Variants in KNDC1 observed in about 807,000 individuals in gnomAD.
KNDC1 encodes the protein kinase non-catalytic C-lobe domain containing 1, also known as kinase non-catalytic C-lobe domain-containing protein 1.
A neutral mutation model predicts 172.8 loss-of-function variants in KNDC1; 106 were observed. That is an observed-to-expected ratio of 0.61 (90% CI 0.52 to 0.72). The LOEUF is 0.72. Ranked by LOEUF, KNDC1 falls within the 30% of genes least tolerant of loss-of-function variation. The pLI, the probability that KNDC1 is intolerant of heterozygous loss-of-function variation, is 0.00. For synonymous variants in KNDC1, 1,083 were observed against 1,062.2 expected (o/e 1.02, Z -0.38); for missense variants, 2,325 against 2,394.5 (o/e 0.97, Z 0.61).
Position 133,163,694 on chromosome 10 carries a change from G to C in KNDC1, c.102+3125G>C, listed in dbSNP as rs117205246. Among the ~76,000 whole-genome samples, 612 of 152,268 alleles carry C rather than the reference G, an allele frequency of 4.0e-3. 14 individuals carry two copies. The South Asian group carries it at 0.068, about 17-fold the overall frequency. On this transcript the variant is annotated intron_variant, in intron 1 of 29. Transcript: ENST00000304613. The surrounding 1 kb of genome is among the most constrained non-coding windows in gnomAD (Gnocchi z 4.4). ...AGGCGTCCCTGTGTAACCCTGGCTC[G>C]AAGTCTGCCTGGCAGTGTGGCGGGG... is the stretch of plus-strand genomic sequence containing the variant.
At position 133,160,295 on chromosome 10, in the gene KNDC1, C is replaced by T. The variant is rs1212715491; in HGVS notation, c.-173C>T. Among the ~76,000 whole-genome samples the T allele has an allele frequency of 6.7e-6, 1 of 148,814 alleles. No homozygotes were observed. The highest frequency in any genetic ancestry group is 2.5e-5 in the African/African-American group (1 of 40,690). On this transcript the variant is annotated 5_prime_UTR_variant, in exon 1 of 30. Transcript: ENST00000304613. Reference sequence around the variant, plus strand: ...CCCGCGCACCCCGCGCCCCCCGCGCCCCCCGGGCCCGCCCCGTATCCCTGA... The same window carrying T: ...CCCGCGCACCCCGCGCCCCCCGCGCTCCCCGGGCCCGCCCCGTATCCCTGA...
At chr10:133,176,067 T>TGGGTGGGTG (rs1853529790) in intron 3 of KNDC1, among the ~76,000 whole-genome samples, 1 of 150,330 alleles carries the variant, frequency 6.7e-6, no homozygotes, top group Non-Finnish European at 1.5e-5. Context: ...GGTGAGTGGA[T>TGGGTGGGTG]AGGTGGATGG....
At chr10:133,183,758 G>C in intron 4 of KNDC1, 114 bp from the exon 5 acceptor site, 1 of 899,400 alleles carries the variant, frequency 1.1e-6, no homozygotes, top group Non-Finnish European at 1.7e-6. Flanking sequence ...GGCGCAGGCA[G>C]GCTCTGGGGA....
chr10:133,188,674 T>TTCCCC, intron 7 of KNDC1, 21 bp downstream of exon 7: 1 of 1,215,936 alleles, frequency 8.2e-7, no homozygotes, highest in Non-Finnish European at 1.1e-6. Flanking sequence ...CACCATCCCA[T>TTCCCC]CCCCCCCGCC....
intron 15 of KNDC1, among the ~76,000 whole-genome samples, chr10:133,200,055 C>T (rs986503466): frequency 7.2e-5 from 11 of 152,160 alleles, no homozygotes; most frequent in Admixed American, 2.6e-4. Context: ...CAGCTCCACG[C>T]GGTGCCAGCA....
chr10:133,172,761 G>T (rs535104912), intron 3 of KNDC1, among the ~76,000 whole-genome samples: 2 of 152,312 alleles, frequency 1.3e-5, no homozygotes, highest in South Asian at 4.1e-4. Flanking sequence ...GGAGATTTGG[G>T]GAGGCCGAGT....
rs1845711614 is a variant in KNDC1 at position 133,226,029 on chromosome 10, A to G, written c.*1139A>G. The G allele has an allele frequency of 6.6e-6, 1 of 152,232 alleles. No individual in the cohort carries two copies. Among genetic ancestry groups the G allele is most frequent in the African/African-American group, 2.4e-5 (1 of 41,464 alleles). 9.4% of individuals were successfully genotyped at this position (152,232 alleles called of 1,614,324 possible). A position where few individuals can be genotyped will look rare whatever the true frequency, so the allele number is the denominator to read the frequency against. On this transcript the variant is annotated 3_prime_UTR_variant, in exon 30 of 30. Transcript: ENST00000304613. ...GTGCTTTTGAGTTTTAGAATTAGTC[A>G]TTCTTTAGAGCAGCCAGCTAGTGGC...
chr10:133,219,627 G>A (rs1470317562), intron 28 of KNDC1, among the ~76,000 whole-genome samples: 2 of 152,298 alleles, frequency 1.3e-5, no homozygotes, highest in African/African-American at 2.4e-5. Flanking sequence ...CTGGTCAGCC[G>A]GGGTCTCATT....
rs1445640810 is a variant in KNDC1, at chr10:133,200,395, C to T, written c.2924C>T (p.Ser975Leu). The part of the protein sequence containing the change: ...PSPSTAEEAG[S>L]QLEGSQSPRS... ...GTCAGCACGGCCGAGGAGGCTGGGTCACAGCTCGAGGGCAGCCAAAGCCCC... is the reference window on the plus strand; with the variant it reads ...GTCAGCACGGCCGAGGAGGCTGGGTTACAGCTCGAGGGCAGCCAAAGCCCC... The change falls in exon 16 of 30, where the codon TCA becomes TTA. Residue 975 changes from serine (S) to leucine (L), a missense_variant. Transcript: ENST00000304613. The T allele has an allele frequency of 4.4e-6, 7 of 1,596,044 alleles. No homozygotes were observed. The highest frequency in any genetic ancestry group is 6.0e-6 in the Non-Finnish European group (7 of 1,172,306).
chr10:133,204,380 G>A (rs765550713), intron 17 of KNDC1, among the ~76,000 whole-genome samples: 9 of 152,232 alleles, frequency 5.9e-5, no homozygotes, highest in East Asian at 3.8e-4. Flanking sequence ...AGGCAGCCAC[G>A]GCAGCCTGCA....
chr10:133,182,526 C>A (rs1205687539), intron 3 of KNDC1, among the ~76,000 whole-genome samples: 1 of 152,216 alleles, frequency 6.6e-6, no homozygotes, highest in Non-Finnish European at 1.5e-5. Flanking sequence ...GTTCTGCTTC[C>A]TCTTGTGGGA....
chr10:133,186,107 C>T lies in KNDC1; in HGVS notation c.759C>T (p.Gly253=), dbSNP rs766561010. ...GCCCGGAGTCTGAGACGAGCCGGGG[C>T]CCCAGAGCCTCCCCAACCAAGGCTC... The part of the protein sequence containing the change: ...PEGPESETSR[G]PRASPTKALL... Residue 253 remains glycine, a synonymous_variant, in exon 6 of 30, where the codon GGC becomes GGT. Transcript: ENST00000304613. 17 of 1,597,322 alleles carry T rather than the reference C, an allele frequency of 1.1e-5. No homozygotes were observed. Among genetic ancestry groups the T allele is most frequent in the Non-Finnish European group, 1.4e-5 (17 of 1,172,934 alleles).
At chr10:133,191,617 T>C (rs1024379829) in intron 9 of KNDC1, among the ~76,000 whole-genome samples, 1 of 151,944 alleles carries the variant, frequency 6.6e-6, no homozygotes, top group Non-Finnish European at 1.5e-5. Context: ...GGAGAATTGC[T>C]TGAACCCAGG....
chr10:133,176,523 C>T (rs1853543245), intron 3 of KNDC1, among the ~76,000 whole-genome samples: 1 of 152,140 alleles, frequency 6.6e-6, no homozygotes, highest in Non-Finnish European at 1.5e-5. Context: ...GCAGTGGGCC[C>T]TGGCCATCTG....
rs143362573 is a variant in KNDC1 at position 133,189,630 on chromosome 10, G to A, written c.1474G>A (p.Glu492Lys). 1.8e-5 allele frequency: 29 copies of A among 1,613,814 alleles called. No individual in the cohort carries two copies. The African/African-American group carries it at 3.7e-4, about 21-fold the overall frequency. ...GTGTCTGGACTCCGTGCTGGTTGCTGAGGACGGGGCTGTGCTCTTCCAGCC... is the reference window on the plus strand; with the variant it reads ...GTGTCTGGACTCCGTGCTGGTTGCTAAGGACGGGGCTGTGCTCTTCCAGCC... Reference protein sequence around the residue: ...YLCLDSVLVAEDGAVLFQPPP... With the variant: ...YLCLDSVLVAKDGAVLFQPPP... The change falls in exon 8 of 30, where the codon GAG becomes AAG. Residue 492 changes from glutamate (E) to lysine (K), a missense_variant. Transcript: ENST00000304613.
intron 3 of KNDC1, among the ~76,000 whole-genome samples, chr10:133,171,119 C>T (rs957135934): frequency 2.6e-5 from 4 of 152,212 alleles, no homozygotes; most frequent in African/African-American, 4.8e-5. Context: ...ATATTTTCTA[C>T]GAAGAGTTTT....
chr10:133,178,153 GCA>G (rs1190510919), intron 3 of KNDC1, among the ~76,000 whole-genome samples: 4 of 149,994 alleles, frequency 2.7e-5, no homozygotes, highest in African/African-American at 9.8e-5. Context: ...TGTGTCACGG[GCA>G]CACGAGTGTA....
rs111463700 is a variant in KNDC1 at position 133,222,379 on chromosome 10, G to A, written c.5018+2267G>A. On this transcript the variant is annotated intron_variant, in intron 29 of 29. Coordinates refer to ENST00000304613, the MANE Select transcript of KNDC1 (RefSeq NM_152643.8). ...ACAGCGTCCACGTGCGTATGTGAGC[G>A]CCTCCAGATCTGCCCTTCTCAGCAT... Among the ~76,000 whole-genome samples, 386 of 152,226 alleles carry A rather than the reference G, an allele frequency of 2.5e-3. 3 individuals are homozygous for A. The highest frequency in any genetic ancestry group is 8.3e-3 in the African/African-American group (343 of 41,518).
chr10:133,181,861 C>CACACACACACACACA (rs33923925), intron 3 of KNDC1, among the ~76,000 whole-genome samples: 6 of 151,386 alleles, frequency 4.0e-5, no homozygotes, highest in Non-Finnish European at 5.9e-5. Flanking sequence ...CACACACACA[C>CACACACACACACACA]CAGACTGTGG....
Sources: gnomAD v4.1 joint callset for allele counts (sites outside exome capture counted in the v4.1 genomes callset) on GRCh38, gnomAD v4.1.1 for gene constraint, Gnocchi (gnomAD v3.1) non-coding constraint, MANE v1.5 for transcripts, NCBI Gene and HGNC (gene_info 2026-07-23, HGNC 2026-07-21) for gene names.